FAM114A1: variants seen among roughly 807,000 people sequenced by gnomAD.
FAM114A1 encodes family with sequence similarity 114 member A1, also known as protein NOXP20.
In FAM114A1, 62 loss-of-function variants were observed where a neutral mutation model predicts 64.3. That is an observed-to-expected ratio of 0.96 (90% CI 0.79 to 1.19). FAM114A1 has a LOEUF of 1.19. FAM114A1 is among the 50% of genes most tolerant of loss of function. The pLI, the probability that FAM114A1 is intolerant of heterozygous loss-of-function variation, is 0.00. For missense variants in FAM114A1, 645 were observed against 676.3 expected (o/e 0.95, Z 0.51); for synonymous variants, 254 against 251.1 (o/e 1.01, Z -0.11).
At chr4:38,923,433 G>A (rs1560323118) in intron 9 of FAM114A1, among the ~76,000 whole-genome samples, 1 of 152,014 alleles carries the variant, frequency 6.6e-6, no homozygotes, top group Non-Finnish European at 1.5e-5. Flanking sequence ...ATGTTGGCCA[G>A]GATGGTCTCG....
At chr4:38,905,668 A>T in intron 5 of FAM114A1, 33 bp downstream of exon 5, 1 of 1,607,846 alleles carries the variant, frequency 6.2e-7, no homozygotes, top group Non-Finnish European at 8.5e-7. Context: ...GTGTTCTTGG[A>T]CTTTATTACA....
intron 2 of FAM114A1, among the ~76,000 whole-genome samples, chr4:38,869,429 G>A (rs919625367): frequency 6.6e-6 from 1 of 152,222 alleles, no homozygotes; most frequent in African/African-American, 2.4e-5. Flanking sequence ...TATGGGGAAT[G>A]GAGAAAAGAC....
At chr4:38,900,927 ATGTCATG>A (rs1717452237) in intron 4 of FAM114A1, among the ~76,000 whole-genome samples, 1 of 146,502 alleles carries the variant, frequency 6.8e-6, no homozygotes, top group Non-Finnish European at 1.5e-5. Context: ...GGTAAAATGC[ATGTCATG>A]TGCATTTTAC....
intron 3 of FAM114A1, among the ~76,000 whole-genome samples, chr4:38,883,635 G>A (rs766491): frequency 0.28 from 42,040 of 152,122 alleles, 6,163 homozygotes; most frequent in African/African-American, 0.31. Context: ...TAAAAAAGGA[G>A]AAGCAGAATG....
At chr4:38,894,054 A>G (rs888794372) in intron 4 of FAM114A1, among the ~76,000 whole-genome samples, 6 of 150,754 alleles carry the variant, frequency 4.0e-5, no homozygotes, top group Non-Finnish European at 7.4e-5. Flanking sequence ...TCCCAGCTAC[A>G]TGGGAGGCTG....
intron 4 of FAM114A1, among the ~76,000 whole-genome samples, chr4:38,897,022 A>G (rs1717005469): frequency 6.6e-6 from 1 of 152,246 alleles, no homozygotes; most frequent in Non-Finnish European, 1.5e-5. Context: ...CAGTTGTTGA[A>G]AAACTGCAGT....
At chr4:38,892,603 A>G (rs1716511375) in intron 4 of FAM114A1, among the ~76,000 whole-genome samples, 1 of 152,202 alleles carries the variant, frequency 6.6e-6, no homozygotes, top group African/African-American at 2.4e-5. Context: ...TGAGAACTGA[A>G]GGTATAACAT....
intron 2 of FAM114A1, 78 bp from the exon 3 acceptor site, chr4:38,877,993 A>G (rs1714825464): frequency 1.6e-6 from 2 of 1,237,330 alleles, no homozygotes; most frequent in Admixed American, 2.6e-5. Flanking sequence ...TTCCCCTACC[A>G]GATTTATTTA....
intron 3 of FAM114A1, 101 bp downstream of exon 3, chr4:38,878,527 A>T (rs1451000941): frequency 5.3e-6 from 5 of 942,240 alleles, no homozygotes; most frequent in African/African-American, 1.7e-5. Flanking sequence ...TGGGAGTTCA[A>T]AATGTACTGT....
At position 38,891,774 on chromosome 4, in the gene FAM114A1, G is replaced by A. The variant is rs2109608099; in HGVS notation, c.380G>A (p.Trp127Ter). Residue 127 changes from tryptophan (W) to a stop codon, truncating the protein, a stop_gained, in exon 4 of 15, where the codon TGG (tryptophan) becomes TAG (stop). Transcript: ENST00000358869. LOFTEE classifies it high-confidence loss of function. ...GATTCCCCTCCAAGTGGAGGAGGATGGGCAGGCTGGGGATCCTGGGGCAAA... is the reference window on the plus strand; with the variant it reads ...GATTCCCCTCCAAGTGGAGGAGGATAGGCAGGCTGGGGATCCTGGGGCAAA... The part of the protein sequence containing the change: ...AVDSPPSGGG[W>*]AGWGSWGKSL... 6.2e-7 allele frequency: 1 copy of A among 1,612,370 alleles called. No homozygotes were observed. The highest frequency in any genetic ancestry group is 8.5e-7 in the Non-Finnish European group (1 of 1,179,306).
At chr4:38,936,491 AAT>A (rs773358699) in intron 13 of FAM114A1, among the ~76,000 whole-genome samples, 1 of 151,884 alleles carries the variant, frequency 6.6e-6, no homozygotes, top group Non-Finnish European at 1.5e-5. Context: ...ATTAATTTTG[AAT>A]ATTCACTGTT....
intron 9 of FAM114A1, among the ~76,000 whole-genome samples, chr4:38,928,620 A>G (rs1720355686): frequency 6.6e-6 from 1 of 152,214 alleles, no homozygotes; most frequent in African/African-American, 2.4e-5. Flanking sequence ...AAGAGTGAGC[A>G]GAAGAAATAC....
chr4:38,875,192 T>A (rs1340379110), intron 2 of FAM114A1, among the ~76,000 whole-genome samples: 1 of 152,212 alleles, frequency 6.6e-6, no homozygotes, highest in Non-Finnish European at 1.5e-5. Context: ...TTAGAATATT[T>A]TTTTCTAATT....
chr4:38,938,351 C>T (rs1721282766), intron 13 of FAM114A1: 1 of 152,238 alleles, frequency 6.6e-6, no homozygotes, highest in Non-Finnish European at 1.5e-5. Flanking sequence ...ACACTTCTGT[C>T]AGTGACTCTG....
At chr4:38,932,431 C>A in intron 12 of FAM114A1, 57 bp downstream of exon 12, 1 of 1,470,398 alleles carries the variant, frequency 6.8e-7, no homozygotes, top group Non-Finnish European at 9.1e-7. Context: ...AGGTACCATT[C>A]AGATACACAC....
intron 2 of FAM114A1, among the ~76,000 whole-genome samples, chr4:38,869,082 T>C (rs1234263856): frequency 6.6e-6 from 1 of 152,222 alleles, no homozygotes; most frequent in Non-Finnish European, 1.5e-5. Context: ...ATGGTTTCTC[T>C]TTTATTAATA....
chr4:38,910,969 A>T (rs1452413397), intron 7 of FAM114A1, among the ~76,000 whole-genome samples: 1 of 152,192 alleles, frequency 6.6e-6, no homozygotes, highest in Non-Finnish European at 1.5e-5. Context: ...GAAGTGACAG[A>T]ATCTGATTTG....
chr4:38,898,121 G>A (rs2109637471), intron 4 of FAM114A1, among the ~76,000 whole-genome samples: 1 of 152,236 alleles, frequency 6.6e-6, no homozygotes, highest in South Asian at 2.1e-4. Context: ...AAAAGGAAGA[G>A]CTCTATAGTA....
intron 1 of FAM114A1, 177 bp downstream of exon 1, chr4:38,868,011 G>A (rs546994692): frequency 7.2e-6 from 3 of 418,228 alleles, no homozygotes; most frequent in East Asian, 1.7e-4. Flanking sequence ...CTGGGGTGAG[G>A]GTCTGGGGCG....
Sources: gnomAD v4.1 joint callset for allele counts (sites outside exome capture counted in the v4.1 genomes callset) on GRCh38, gnomAD v4.1.1 for gene constraint, MANE v1.5 for transcripts, NCBI Gene and HGNC (gene_info 2026-07-23, HGNC 2026-07-21) for gene names.